Variants in BEND5 observed in about 807,000 individuals in gnomAD.
BEND5 encodes the protein BEN domain-containing protein 5.
BEND5 carries 22 observed loss-of-function variants against 43.9 expected under a neutral mutation model. That is an observed-to-expected ratio of 0.50 (90% CI 0.36 to 0.72). BEND5 has a LOEUF of 0.72. BEND5 is among the 30% of genes least tolerant of loss of function. The pLI, the probability that BEND5 is intolerant of heterozygous loss-of-function variation, is 0.00. For missense variants in BEND5, 428 were observed against 550.6 expected (o/e 0.78, Z 2.23); for synonymous variants, 228 against 225.9 (o/e 1.01, Z -0.08).
rs984649681 is a variant in BEND5 at position 48,736,577 on chromosome 1, C to A, written c.895-125G>T. On this transcript the variant is annotated intron_variant, in intron 4 of 5. Transcript: ENST00000371833. The surrounding 1 kb of genome is among the most constrained non-coding windows in gnomAD (Gnocchi z 4.0). ...ATTCATGTCATAAATATGAAATTAA[C>A]TCTCTTTAAGGGTAATCGTAATAGC... 21 of 810,232 alleles carry A rather than the reference C, an allele frequency of 2.6e-5. No homozygotes were observed. Among genetic ancestry groups the A allele is most frequent in the Non-Finnish European group, 4.0e-5 (20 of 505,970 alleles). 50.2% of individuals were successfully genotyped at this position (810,232 alleles called of 1,614,324 possible). A position where few individuals can be genotyped will look rare whatever the true frequency, so the allele number is the denominator to read the frequency against.
intron 5 of BEND5, among the ~76,000 whole-genome samples, chr1:48,732,153 T>A (rs1205467859): frequency 1.3e-5 from 2 of 152,022 alleles, no homozygotes; most frequent in Non-Finnish European, 2.9e-5. Context: ...GGATGAGACC[T>A]GGGTGCCTGG....
Position 48,727,961 on chromosome 1 carries a change from G to A in BEND5, c.1191C>T (p.Ile397=), listed in dbSNP as rs974751362. The change falls in exon 6 of 6, where the codon ATC becomes ATT. Residue 397 remains isoleucine, a synonymous_variant. Coordinates refer to ENST00000371833, the MANE Select transcript of BEND5 (RefSeq NM_024603.4). ...TATTGATATCCATGATTTTTTCACA[G>A]ATGTACTTGTTGACTTTGGAGAGTC... ...AQRLSKVNKY[I]CEKIMDINKS... 7.4e-6 allele frequency: 12 copies of A among 1,611,172 alleles called. No homozygotes were observed. Among genetic ancestry groups the A allele is most frequent in the Non-Finnish European group, 1.0e-5 (12 of 1,177,948 alleles).
At chr1:48,775,196 T>C (rs1323245307) in intron 1 of BEND5, among the ~76,000 whole-genome samples, 2 of 152,162 alleles carry the variant, frequency 1.3e-5, no homozygotes, top group African/African-American at 2.4e-5. Context: ...GGGCCTACAC[T>C]TCGGTGTGCC....
chr1:48,740,689 G>C (rs1464391503), intron 4 of BEND5, among the ~76,000 whole-genome samples: 1 of 152,090 alleles, frequency 6.6e-6, no homozygotes, highest in African/African-American at 2.4e-5. Context: ...TTTCCTACTA[G>C]GAAATGTGTC....
At chr1:48,749,943 G>C (rs1651410976) in intron 3 of BEND5, among the ~76,000 whole-genome samples, 1 of 152,200 alleles carries the variant, frequency 6.6e-6, no homozygotes, top group African/African-American at 2.4e-5. Context: ...GGGAATAAGT[G>C]GGGTGGGCAG....
chr1:48,731,547 G>A (rs561236949), intron 5 of BEND5, among the ~76,000 whole-genome samples: 49 of 152,316 alleles, frequency 3.2e-4, no homozygotes, highest in East Asian at 9.6e-4. Context: ...CAAAAGGTCA[G>A]AGATGATTTC....
intron 3 of BEND5, among the ~76,000 whole-genome samples, chr1:48,745,336 G>C (rs1650573351): frequency 6.6e-6 from 1 of 152,178 alleles, no homozygotes; most frequent in South Asian, 2.1e-4. Context: ...AATCAGGGCT[G>C]TTAAGTTGAA....
At position 48,727,734 on chromosome 1, in the gene BEND5, T is replaced by C. The variant is rs1304896760; in HGVS notation, c.*152A>G. The C allele has an allele frequency of 6.6e-6, 4 of 609,030 alleles. No individual in the cohort carries two copies. Among genetic ancestry groups the C allele is most frequent in the Non-Finnish European group, 1.1e-5 (4 of 368,316 alleles). The allele number at this position is 609,030 out of a possible 1,614,324, so 37.7% of individuals were successfully genotyped here. A position where few individuals can be genotyped will look rare whatever the true frequency, so the allele number is the denominator to read the frequency against. ...AAAGCCATCTGTCGTCTTTGGAGTG[T>C]CCACATTCAGAACAAGCCGCTGACC... On this transcript the variant is annotated 3_prime_UTR_variant, in exon 6 of 6. Coordinates refer to ENST00000371833, the MANE Select transcript of BEND5 (RefSeq NM_024603.4).
Position 48,737,828 on chromosome 1 carries a change from A to G in BEND5, c.895-1376T>C, listed in dbSNP as rs142042239. ...TCACTTTGACATTGCCATTTATGTC[A>G]TGCTTCTGCTGAGTCTGTGAAGGGA... On this transcript the variant is annotated intron_variant, in intron 4 of 5. Transcript: ENST00000371833. Among the ~76,000 whole-genome samples, 830 of 152,338 alleles carry G rather than the reference A, an allele frequency of 5.4e-3. 7 individuals are homozygous for G. The highest frequency in any genetic ancestry group is 0.019 in the African/African-American group (789 of 41,586).
chr1:48,745,321 G>A (rs1391173908), intron 3 of BEND5, among the ~76,000 whole-genome samples: 1 of 152,196 alleles, frequency 6.6e-6, no homozygotes, highest in African/African-American at 2.4e-5. Context: ...AGTCCGAGAA[G>A]TAGAAATCAG....
chr1:48,770,677 T>G (rs1484533055), intron 1 of BEND5, among the ~76,000 whole-genome samples: 1 of 152,150 alleles, frequency 6.6e-6, no homozygotes, highest in Non-Finnish European at 1.5e-5. Context: ...CCCTTAAGAT[T>G]CGACAGGTCT....
chr1:48,759,024 A>G lies in BEND5; in HGVS notation c.621T>C (p.Thr207=). 6.2e-7 allele frequency: 1 copy of G among 1,614,028 alleles called. No individual in the cohort carries two copies. ...MRHLQQELER[T]RRQLVQQAKK... is the part of the protein sequence containing the mutation. The stretch of plus-strand genomic sequence containing the variant: ...TGGCCTGTTGTACCAGCTGCCTCCG[A>G]GTCCGCTCCAGCTCCTGCTGGAGGT... The change falls in exon 3 of 6, where the codon ACT becomes ACC. Residue 207 remains threonine, a synonymous_variant. Coordinates refer to ENST00000371833, the MANE Select transcript of BEND5 (RefSeq NM_024603.4).
At chr1:48,754,113 G>A (rs4926753) in intron 3 of BEND5, among the ~76,000 whole-genome samples, 24,485 of 152,124 alleles carry the variant, frequency 0.16, 2,434 homozygotes, top group East Asian at 0.47. Context: ...GAATTATACT[G>A]TCTAAGTGGT....
chr1:48,770,585 T>A (rs1240878220), intron 1 of BEND5, among the ~76,000 whole-genome samples: 2 of 152,188 alleles, frequency 1.3e-5, no homozygotes, highest in Non-Finnish European at 2.9e-5. Flanking sequence ...CAGATTGAGA[T>A]CTTTGACTTG....
chr1:48,761,755 T>C (rs1258885641), intron 1 of BEND5, among the ~76,000 whole-genome samples: 1 of 152,164 alleles, frequency 6.6e-6, no homozygotes, highest in Non-Finnish European at 1.5e-5. Context: ...AAGGGTGGCC[T>C]TTTATGGAAT....
chr1:48,751,291 G>A (rs1053613130), intron 3 of BEND5, among the ~76,000 whole-genome samples: 14 of 152,212 alleles, frequency 9.2e-5, no homozygotes, highest in African/African-American at 3.4e-4. Flanking sequence ...CAAGGGTCCT[G>A]CAGTCACAGA....
At chr1:48,750,710 TCCA>T (rs1651581531) in intron 3 of BEND5, among the ~76,000 whole-genome samples, 11 of 152,212 alleles carry the variant, frequency 7.2e-5, no homozygotes, top group Non-Finnish European at 1.3e-4. Flanking sequence ...GTCAGAGCTA[TCCA>T]ATAATGAGAT....
chr1:48,734,652 C>T (rs1485894278), intron 5 of BEND5, among the ~76,000 whole-genome samples: 1 of 152,198 alleles, frequency 6.6e-6, no homozygotes, highest in Non-Finnish European at 1.5e-5. Flanking sequence ...GCTTATTCTG[C>T]CTGATTTGCC....
At chr1:48,748,761 T>C (rs1557940653) in intron 3 of BEND5, among the ~76,000 whole-genome samples, 1 of 151,768 alleles carries the variant, frequency 6.6e-6, no homozygotes, top group Non-Finnish European at 1.5e-5. Flanking sequence ...TTCAGGAAAG[T>C]GGTGATCTCT....
Sources: allele counts gnomAD v4.1 joint callset (sites outside exome capture counted in the v4.1 genomes callset), GRCh38; gene constraint gnomAD v4.1.1; non-coding constraint Gnocchi (gnomAD v3.1); transcripts MANE v1.5; gene names NCBI Gene and HGNC (gene_info 2026-07-23, HGNC 2026-07-21).